Variants in RYR3 observed in about 807,000 individuals in gnomAD.
RYR3 encodes ryanodine receptor 3.
RYR3 carries 207 observed loss-of-function variants against 584.3 expected under a neutral mutation model. That is an observed-to-expected ratio of 0.35 (90% CI 0.32 to 0.40). The LOEUF (loss-of-function observed/expected upper bound fraction) is 0.40, where lower values mean the gene tolerates loss of function less well. RYR3 is among the 10% of genes least tolerant of loss of function. The pLI, the probability that RYR3 is intolerant of heterozygous loss-of-function variation, is 1.00. For missense variants in RYR3, 5,616 were observed against 6,089.2 expected (o/e 0.92, Z 2.59); for synonymous variants, 2,416 against 2,248.5 (o/e 1.07, Z -2.11).
intron 27 of RYR3, among the ~76,000 whole-genome samples, chr15:33,639,588 G>T (rs538396388): frequency 6.6e-6 from 1 of 152,112 alleles, no homozygotes; most frequent in Admixed American, 6.5e-5. Flanking sequence ...AATGCCCGAC[G>T]TGCTTGTGTT....
chr15:33,505,692 CCG>C (rs2052415005), intron 3 of RYR3, among the ~76,000 whole-genome samples: 1 of 152,150 alleles, frequency 6.6e-6, no homozygotes, highest in South Asian at 2.1e-4. Context: ...TGGGGTTTCA[CCG>C]TGTTAGCCAG....
At chr15:33,525,762 T>G (rs1312060081) in intron 3 of RYR3, among the ~76,000 whole-genome samples, 2 of 152,222 alleles carry the variant, frequency 1.3e-5, no homozygotes, top group Admixed American at 1.3e-4. Flanking sequence ...TAAGGCATCA[T>G]TACTATTTAG....
At chr15:33,641,874 A>G (rs557343517) in intron 27 of RYR3, among the ~76,000 whole-genome samples, 1 of 152,210 alleles carries the variant, frequency 6.6e-6, no homozygotes, top group Non-Finnish European at 1.5e-5. Flanking sequence ...TAGTGAATGC[A>G]GTCCTCTGGC....
intron 101 of RYR3, 110 bp downstream of exon 101, chr15:33,860,769 ACG>A: frequency 1.1e-6 from 1 of 877,298 alleles, no homozygotes; most frequent in African/African-American, 1.7e-5. Flanking sequence ...CTAAGCAAGA[ACG>A]CAGTTTGTTT....
chr15:33,316,761 C>T (rs1457750548), intron 1 of RYR3, among the ~76,000 whole-genome samples: 1 of 152,170 alleles, frequency 6.6e-6, no homozygotes, highest in Non-Finnish European at 1.5e-5. Context: ...AGGATATTAT[C>T]ATTGTGTCTC....
intron 18 of RYR3, among the ~76,000 whole-genome samples, chr15:33,606,726 G>A (rs1239062282): frequency 6.6e-6 from 1 of 152,142 alleles, no homozygotes; most frequent in Non-Finnish European, 1.5e-5. Flanking sequence ...GGGCTTTCAG[G>A]ATAGCAGTTG....
rs2049072698 is a variant in RYR3, at chr15:33,473,180, A to G, written c.52-239A>G. Among the ~76,000 whole-genome samples the G allele has an allele frequency of 4.6e-5, 7 of 152,154 alleles. No individual in the cohort carries two copies. The South Asian group carries it at 1.5e-3, about 32-fold the overall frequency. On this transcript the variant is annotated intron_variant, in intron 1 of 103. Transcript: ENST00000634891. The stretch of plus-strand genomic sequence containing the variant: ...CTCTCAGAAGTGAGGCCTTGGCTGT[A>G]TGTGTACTTGCCCCCACTGACCTCA...
chr15:33,392,243 C>T (rs140432879), intron 1 of RYR3, among the ~76,000 whole-genome samples: 164 of 151,434 alleles, frequency 1.1e-3, no homozygotes, highest in Non-Finnish European at 1.9e-3. Context: ...AATGAAGAGA[C>T]TCTGTCTGGG....
In RYR3 at chr15:33,396,552, G is replaced by A. The variant is rs114276244; in HGVS notation, c.52-76867G>A. On this transcript the variant is annotated intron_variant, in intron 1 of 103. Coordinates refer to ENST00000634891, the MANE Select transcript of RYR3 (RefSeq NM_001036.6). The stretch of plus-strand genomic sequence containing the variant: ...TCAAGCCCCGGGGATCCCTTGGTCA[G>A]ACAGATACTAGGTTGGTGCAAAGGT... Among the ~76,000 whole-genome samples, 733 of 152,316 alleles carry A rather than the reference G, an allele frequency of 4.8e-3. 8 individuals carry two copies. The highest frequency in any genetic ancestry group is 0.017 in the African/African-American group (705 of 41,566).
At chr15:33,400,743 A>C (rs960774840) in intron 1 of RYR3, among the ~76,000 whole-genome samples, 2 of 152,056 alleles carry the variant, frequency 1.3e-5, no homozygotes, top group Admixed American at 1.3e-4. Context: ...TCCAGTGGGG[A>C]GTGGTATTAT....
At chr15:33,668,363 G>C (rs919203179) in intron 36 of RYR3, among the ~76,000 whole-genome samples, 1 of 151,890 alleles carries the variant, frequency 6.6e-6, no homozygotes, top group African/African-American at 2.4e-5. Context: ...AAAATTAAAA[G>C]CTGACCAAAA....
At chr15:33,573,478 C>T in intron 12 of RYR3, among the ~76,000 whole-genome samples, 1 of 152,178 alleles carries the variant, frequency 6.6e-6, no homozygotes, top group East Asian at 1.9e-4. Context: ...ATCTCATCAT[C>T]CTCTGTAGAG....
At position 33,343,524 on chromosome 15, in the gene RYR3, C is replaced by G. The variant is rs143004203; in HGVS notation, c.51+32428C>G. 3.0e-3 allele frequency among the ~76,000 whole-genome samples: 459 copies of G among 152,276 alleles called. 7 individuals carry two copies. The highest frequency in any genetic ancestry group is 1.4e-3 in the Non-Finnish European group (96 of 68,034). Reference sequence around the variant, plus strand: ...CGCAGTTTGATTTCCCAGATGCTCTCACTTTACTGTCTTTTGAATTTTCCT... The same window carrying G: ...CGCAGTTTGATTTCCCAGATGCTCTGACTTTACTGTCTTTTGAATTTTCCT... On this transcript the variant is annotated intron_variant, in intron 1 of 103. Coordinates refer to ENST00000634891, the MANE Select transcript of RYR3 (RefSeq NM_001036.6).
rs145789075 is a variant in RYR3, at chr15:33,477,566, T to C, written c.171+4028T>C. ...AAAGGTTCAGGAATTTAAAGGTATC[T>C]TGTTTTGTTAAAAAAAAAAAAAAAA... is the stretch of plus-strand genomic sequence containing the variant. On this transcript the variant is annotated intron_variant, in intron 2 of 103. Coordinates refer to ENST00000634891, the MANE Select transcript of RYR3 (RefSeq NM_001036.6). Among the ~76,000 whole-genome samples, 639 of 122,130 alleles carry C rather than the reference T, an allele frequency of 5.2e-3. 8 individuals carry two copies. Among genetic ancestry groups the C allele is most frequent in the African/African-American group, 0.022 (612 of 27,414 alleles). 80.1% of individuals were successfully genotyped at this position (122,130 alleles called of 152,430 possible).
At chr15:33,823,132 AG>A in intron 81 of RYR3, 60 bp downstream of exon 81, 1 of 1,415,254 alleles carries the variant, frequency 7.1e-7, no homozygotes, top group Non-Finnish European at 9.8e-7. Flanking sequence ...CATAGGAGGC[AG>A]GGGAAGGGGA....
At chr15:33,855,332 T>C (rs904149222) in intron 98 of RYR3, among the ~76,000 whole-genome samples, 1 of 152,052 alleles carries the variant, frequency 6.6e-6, no homozygotes. Flanking sequence ...GCCTCCAGAG[T>C]AGCTGGGATT....
intron 1 of RYR3, among the ~76,000 whole-genome samples, chr15:33,377,572 C>G (rs1210996134): frequency 3.3e-5 from 5 of 152,184 alleles, no homozygotes; most frequent in Non-Finnish European, 4.4e-5. Flanking sequence ...CTTTCATATG[C>G]AAGGGATTAT....
chr15:33,825,850 A>T, intron 82 of RYR3, 174 bp downstream of exon 82: 1 of 543,010 alleles, frequency 1.8e-6, no homozygotes, highest in Non-Finnish European at 3.2e-6. Context: ...CTCCTGCCTC[A>T]TCCTCCCGAG....
At chr15:33,622,215 G>A (rs80352724) in intron 19 of RYR3, among the ~76,000 whole-genome samples, 285 of 152,180 alleles carry the variant, frequency 1.9e-3, no homozygotes, top group African/African-American at 6.6e-3. Flanking sequence ...CCTCCTTGTC[G>A]GGGCTCATAG....
Sources: allele counts gnomAD v4.1 joint callset (sites outside exome capture counted in the v4.1 genomes callset), GRCh38; gene constraint gnomAD v4.1.1; transcripts MANE v1.5; gene names NCBI Gene and HGNC (gene_info 2026-07-23, HGNC 2026-07-21).